The following SPECC1 variants were observed in gnomAD, a reference collection of about 807,000 sequenced individuals.
SPECC1 encodes cytospin-B.
In SPECC1, 62 loss-of-function variants were observed where a neutral mutation model predicts 104.1. The observed-to-expected ratio is 0.60, with a 90% CI of 0.49 to 0.74. SPECC1 has a LOEUF of 0.74. Among genes scored for constraint, SPECC1 ranks in the 30% least tolerant of loss-of-function variants. The probability of loss-of-function intolerance (pLI) is 0.00; values close to 1 mark genes in which losing one functional copy is unlikely to be tolerated. For synonymous variants in SPECC1, 513 were observed against 501.6 expected, an observed-to-expected ratio of 1.02 and a Z score of -0.30; for missense variants, 1,306 against 1,310.5, an observed-to-expected ratio of 1.00 and a Z score of 0.05.
chr17:20,072,704 G>T (rs562196243), intron 1 of SPECC1, among the ~76,000 whole-genome samples: 79 of 152,306 alleles, frequency 5.2e-4, no homozygotes, highest in Non-Finnish European at 9.7e-4. Flanking sequence ...CAGAGGCTCT[G>T]CAAACCCATG....
chr17:20,085,563 G>A (rs1340509765), intron 1 of SPECC1, among the ~76,000 whole-genome samples: 1 of 152,222 alleles, frequency 6.6e-6, no homozygotes, highest in East Asian at 1.9e-4. Flanking sequence ...AGAAGCGATT[G>A]ATGCTGACGA....
At chr17:20,113,900 C>T (rs2048620107) in intron 3 of SPECC1, among the ~76,000 whole-genome samples, 1 of 152,018 alleles carries the variant, frequency 6.6e-6, no homozygotes, top group African/African-American at 2.4e-5. Context: ...ATTCAAATAC[C>T]AAATAGTTTT....
rs111759161 is a variant in SPECC1 at position 20,047,722 on chromosome 17, C to T, written c.-22+38298C>T. The stretch of plus-strand genomic sequence containing the variant: ...ATGCCATTCTCCTGCCTCAGTCTCC[C>T]GAGTAGTTGGGACTACAGGTGCCTG... On this transcript the variant is annotated intron_variant, in intron 1 of 14. Transcript: ENST00000395527. 3.0e-4 allele frequency among the ~76,000 whole-genome samples: 45 copies of T among 152,038 alleles called. 1 individual carries two copies. The highest frequency in any genetic ancestry group is 1.0e-3 in the African/African-American group (42 of 41,472).
chr17:20,171,489 C>G (rs1014811680), intron 3 of SPECC1, among the ~76,000 whole-genome samples: 1 of 152,160 alleles, frequency 6.6e-6, no homozygotes, highest in Non-Finnish European at 1.5e-5. Context: ...AGATAGAAAA[C>G]AGGGCTTGAA....
intron 2 of SPECC1, among the ~76,000 whole-genome samples, chr17:20,109,059 A>G (rs939871644): frequency 2.0e-5 from 3 of 152,226 alleles, no homozygotes; most frequent in Non-Finnish European, 2.9e-5. Context: ...CAGTTGCTTC[A>G]CAGCCTCACC....
intron 1 of SPECC1, among the ~76,000 whole-genome samples, chr17:20,038,916 G>T (rs1279399250): frequency 6.6e-6 from 1 of 152,094 alleles, no homozygotes; most frequent in African/African-American, 2.4e-5. Flanking sequence ...TCTATTCTTT[G>T]AAATGTGTTA....
intron 1 of SPECC1, among the ~76,000 whole-genome samples, chr17:20,093,420 A>T (rs1343540210): frequency 1.3e-5 from 2 of 152,164 alleles, no homozygotes; most frequent in Non-Finnish European, 1.5e-5. Context: ...GGTGACCCTT[A>T]CCTCGTAGGG....
chr17:20,250,213 A>G (rs1474027867), intron 9 of SPECC1, among the ~76,000 whole-genome samples: 2 of 152,218 alleles, frequency 1.3e-5, no homozygotes, highest in African/African-American at 2.4e-5. Flanking sequence ...AAAGTGCTGT[A>G]CCTGGTGAAA....
intron 2 of SPECC1, among the ~76,000 whole-genome samples, chr17:20,098,108 T>C (rs2047740130): frequency 6.6e-6 from 1 of 152,188 alleles, no homozygotes. Flanking sequence ...TAACTGCCTT[T>C]GTGACATCAC....
chr17:20,032,891 T>C (rs900733053), intron 1 of SPECC1, among the ~76,000 whole-genome samples: 1 of 152,026 alleles, frequency 6.6e-6, no homozygotes, highest in African/African-American at 2.4e-5. Flanking sequence ...TATATGTGTG[T>C]CTGTATATAT....
chr17:20,171,860 T>G (rs1268641117), intron 3 of SPECC1, among the ~76,000 whole-genome samples: 1 of 152,230 alleles, frequency 6.6e-6, no homozygotes, highest in East Asian at 1.9e-4. Context: ...ACCATGGTCA[T>G]GTGCTTGCCA....
chr17:20,019,302 T>C (rs2044278900), intron 1 of SPECC1, among the ~76,000 whole-genome samples: 1 of 152,000 alleles, frequency 6.6e-6, no homozygotes, highest in Admixed American at 6.6e-5. Flanking sequence ...TGTTAACTCT[T>C]TTCTGTAAGA....
intron 12 of SPECC1, chr17:20,290,445 C>T (rs911136623): frequency 3.3e-5 from 5 of 151,886 alleles, no homozygotes; most frequent in African/African-American, 7.3e-5. Flanking sequence ...GAGTCTCCCA[C>T]CTCAGCTTCC....
chr17:20,312,760 G>T (rs1264259247), intron 14 of SPECC1, among the ~76,000 whole-genome samples: 1 of 152,186 alleles, frequency 6.6e-6, no homozygotes, highest in East Asian at 1.9e-4. Context: ...AGGTGTACCT[G>T]CACGGAATGT....
At chr17:20,268,838 G>A (rs2040301883) in intron 12 of SPECC1, among the ~76,000 whole-genome samples, 1 of 152,124 alleles carries the variant, frequency 6.6e-6, no homozygotes, top group Non-Finnish European at 1.5e-5. Context: ...TTTCTCTCAC[G>A]AGCCAGTGTG....
chr17:20,065,574 T>C (rs2046330621), intron 1 of SPECC1, among the ~76,000 whole-genome samples: 1 of 152,192 alleles, frequency 6.6e-6, no homozygotes, highest in African/African-American at 2.4e-5. Context: ...CTCCAGAAAC[T>C]TCCAGGTGTT....
chr17:20,136,920 G>A (rs1450348232), intron 3 of SPECC1, among the ~76,000 whole-genome samples: 1 of 152,108 alleles, frequency 6.6e-6, no homozygotes, highest in African/African-American at 2.4e-5. Flanking sequence ...TTCATGAGAT[G>A]GTTTCCTTGG....
At chr17:20,250,596 A>T (rs2039586429) in intron 9 of SPECC1, among the ~76,000 whole-genome samples, 1 of 152,230 alleles carries the variant, frequency 6.6e-6, no homozygotes, top group Non-Finnish European at 1.5e-5. Flanking sequence ...CCTATAATTT[A>T]TATCTTTTCC....
chr17:20,106,494 C>T (rs2048203775), intron 2 of SPECC1, among the ~76,000 whole-genome samples: 1 of 152,118 alleles, frequency 6.6e-6, no homozygotes, highest in Non-Finnish European at 1.5e-5. Context: ...GCTGTGTCCC[C>T]AACCAAAATT....
Sources: allele counts gnomAD v4.1 joint callset (sites outside exome capture counted in the v4.1 genomes callset), GRCh38; gene constraint gnomAD v4.1.1; transcripts MANE v1.5; gene names NCBI Gene and HGNC (gene_info 2026-07-23, HGNC 2026-07-21).